Variants in RTL9 observed in about 807,000 individuals in gnomAD.
RTL9 encodes the protein retrotransposon Gag like 9.
RTL9 carries 19 observed loss-of-function variants against 44.7 expected under a neutral mutation model. The observed-to-expected ratio is 0.42, with a 90% confidence interval of 0.30 to 0.62. The LOEUF (loss-of-function observed/expected upper bound fraction) is 0.62, where lower values mean the gene tolerates loss of function less well. Ranked by LOEUF, RTL9 falls within the 20% of genes least tolerant of loss-of-function variation. The pLI is 0.16. For synonymous variants in RTL9, 407 were observed against 398.9 expected (o/e 1.02, Z -0.24); for missense variants, 1,105 against 1,080.6 (o/e 1.02, Z -0.32).
At chrX:110,406,358 T>C (rs1197679820) in intron 1 of RTL9, among the ~76,000 whole-genome samples, 1 of 110,147 alleles carries the variant, frequency 9.1e-6, no homozygotes, top group Non-Finnish European at 1.9e-5. Flanking sequence ...CATGCGGTGT[T>C]TGGTTTTCTG....
upstream of RTL9, among the ~76,000 whole-genome samples, chrX:110,446,417 G>T (rs973853971): frequency 9.0e-6 from 1 of 110,799 alleles, no homozygotes; most frequent in Non-Finnish European, 1.9e-5. Flanking sequence ...CTTGGGTCGG[G>T]GGGTGGATGT....
intron 1 of RTL9, among the ~76,000 whole-genome samples, chrX:110,397,012 G>A (rs1031883228): frequency 1.8e-5 from 2 of 111,736 alleles, no homozygotes; most frequent in African/African-American, 3.3e-5. Flanking sequence ...AGCTGACTCC[G>A]GAGCCCACAT....
chrX:110,402,672 T>C (rs1428809027), intron 1 of RTL9, among the ~76,000 whole-genome samples: 1 of 112,569 alleles, frequency 8.9e-6, no homozygotes, highest in Non-Finnish European at 1.9e-5. Context: ...CCTGAAATGA[T>C]GTGGGCTTGG....
At chrX:110,384,269 T>C (rs2068439732) in intron 1 of RTL9, among the ~76,000 whole-genome samples, 1 of 110,255 alleles carries the variant, frequency 9.1e-6, no homozygotes, top group Non-Finnish European at 1.9e-5. Flanking sequence ...TTTGTTGGGG[T>C]CAGTATATTA....
At chrX:110,381,542 T>C (rs2068419122) in intron 1 of RTL9, among the ~76,000 whole-genome samples, 1 of 111,679 alleles carries the variant, frequency 9.0e-6, no homozygotes, top group African/African-American at 3.3e-5. Context: ...AAAATAGAAA[T>C]ACCATTTGAT....
At chrX:110,401,029 C>A (rs1368389701) in intron 1 of RTL9, among the ~76,000 whole-genome samples, 1 of 112,272 alleles carries the variant, frequency 8.9e-6, no homozygotes, top group Non-Finnish European at 1.9e-5. Context: ...TTGTGCTGAA[C>A]CATTTACACA....
At chrX:110,404,130 G>A (rs2068582469) in intron 1 of RTL9, among the ~76,000 whole-genome samples, 1 of 112,479 alleles carries the variant, frequency 8.9e-6, no homozygotes, top group African/African-American at 3.2e-5. Flanking sequence ...GCTACCATTC[G>A]TTTATTCTGT....
intron 1 of RTL9, among the ~76,000 whole-genome samples, chrX:110,444,271 T>G (rs925619569): frequency 9.7e-5 from 11 of 112,998 alleles, no homozygotes; most frequent in African/African-American, 3.2e-4. Flanking sequence ...TGTCCATTCC[T>G]GTGGATACTT....
rs1368942624 is a variant in RTL9 at position 110,445,144 on chromosome X, A to G, written c.-167-9A>G. ...CCAGAACACACCTACCCTCTCTTCC[A>G]TATGACAGCCCTTCAGAGACTTGAA... is the stretch of plus-strand genomic sequence containing the variant. On this transcript the variant is annotated splice_polypyrimidine_tract_variant and intron_variant, in intron 1 of 3. Coordinates refer to the RTL9 transcript ENST00000465301. 1.8e-5 allele frequency: 2 copies of G among 112,423 alleles called. No homozygotes were observed. The highest frequency in any genetic ancestry group is 6.5e-5 in the African/African-American group (2 of 30,797). The allele number at this position is 112,423 out of a possible 1,213,427, so 9.3% of individuals were successfully genotyped here.
At chrX:110,411,588 A>C (rs369474978) in intron 1 of RTL9, among the ~76,000 whole-genome samples, 1 of 112,181 alleles carries the variant, frequency 8.9e-6, no homozygotes, top group Non-Finnish European at 1.9e-5. Flanking sequence ...ATGAAGAAAA[A>C]GAATGATAGA....
chrX:110,452,775 A>C (rs758652108), exon 1 of RTL9: 2 of 1,211,565 alleles, frequency 1.7e-6, no homozygotes, highest in Non-Finnish European at 2.2e-6. Context: ...AAAGATGCTC[A>C]GTCAGCCAAT....
chrX:110,453,667 C>T lies in RTL9; in HGVS notation c.3050C>T (p.Ala1017Val), dbSNP rs190170443. 2.8e-5 allele frequency: 34 copies of T among 1,210,533 alleles called. 1 individual carries two copies. Among genetic ancestry groups the T allele is most frequent in the African/African-American group, 8.7e-5 (5 of 57,348 alleles). The change falls in exon 1 of 2, where the codon GCG becomes GTG. Residue 1017 changes from alanine to valine, a missense_variant. Coordinates refer to ENST00000540313, the Ensembl canonical transcript of RTL9. ...ACCGTGTCTGGAAGGATGGCCACAG[C>T]GCCAATTAGAGCCTCTGCTTCTGGA...
At chrX:110,361,635 A>G (rs2068264300) in intron 1 of RTL9, among the ~76,000 whole-genome samples, 1 of 112,059 alleles carries the variant, frequency 8.9e-6, no homozygotes, top group Non-Finnish European at 1.9e-5. Context: ...CCCACTTGGT[A>G]AAATCTTCTC....
upstream of RTL9, chrX:110,450,439 G>C (rs1367001228): frequency 9.2e-6 from 4 of 432,751 alleles, no homozygotes; most frequent in Non-Finnish European, 1.6e-5. Flanking sequence ...TCTTTAATCT[G>C]ATAGCCTCAC....
intron 1 of RTL9, among the ~76,000 whole-genome samples, chrX:110,410,587 T>C (rs1432501924): frequency 8.9e-6 from 1 of 111,996 alleles, no homozygotes; most frequent in Non-Finnish European, 1.9e-5. Context: ...AACTCCCACT[T>C]TACTTTTCTT....
intron 1 of RTL9, among the ~76,000 whole-genome samples, chrX:110,394,870 C>T (rs1487874060): frequency 8.9e-6 from 1 of 112,856 alleles, no homozygotes; most frequent in Non-Finnish European, 1.9e-5. Context: ...CTCTATATGT[C>T]CAGTCAGCAT....
intron 1 of RTL9, among the ~76,000 whole-genome samples, chrX:110,403,634 A>AT (rs751197125): frequency 1.8e-5 from 2 of 111,798 alleles, no homozygotes; most frequent in Non-Finnish European, 3.8e-5. Flanking sequence ...ACCCAGACTC[A>AT]TAGCCTCATA....
At chrX:110,406,215 G>C (rs1456172001) in intron 1 of RTL9, among the ~76,000 whole-genome samples, 1 of 109,056 alleles carries the variant, frequency 9.2e-6, no homozygotes, top group Admixed American at 9.8e-5. Context: ...CCATCTACCC[G>C]TCACCTACAT....
chrX:110,408,414 C>G (rs971741269), intron 1 of RTL9, among the ~76,000 whole-genome samples: 2 of 112,502 alleles, frequency 1.8e-5, no homozygotes, highest in African/African-American at 6.5e-5. Context: ...CCAACGCCCA[C>G]GACAGACTTG....
Sources: allele counts gnomAD v4.1 joint callset (sites outside exome capture counted in the v4.1 genomes callset), GRCh38; gene constraint gnomAD v4.1.1; transcripts MANE v1.5; gene names NCBI Gene and HGNC (gene_info 2026-07-23, HGNC 2026-07-21).